KCNAB1: variants seen among roughly 807,000 people sequenced by gnomAD.
KCNAB1 encodes potassium voltage-gated channel subfamily A regulatory beta subunit 1.
KCNAB1 carries 35 observed loss-of-function variants against 64.6 expected under a neutral mutation model. The ratio of observed to expected loss-of-function variants is 0.54; its 90% confidence interval spans 0.41 to 0.72. The LOEUF is 0.72. Among genes scored for constraint, KCNAB1 ranks in the 30% least tolerant of loss-of-function variants. The pLI, the probability that KCNAB1 is intolerant of heterozygous loss-of-function variation, is 0.00. For missense variants in KCNAB1, 401 were observed against 512.9 expected, an observed-to-expected ratio of 0.78 and a Z score of 2.11; for synonymous variants, 177 against 183.8, an observed-to-expected ratio of 0.96 and a Z score of 0.30.
At chr3:156,224,067 G>C (rs764595425) in intron 1 of KCNAB1, among the ~76,000 whole-genome samples, 1 of 152,208 alleles carries the variant, frequency 6.6e-6, no homozygotes, top group South Asian at 2.1e-4. Context: ...GCCCTGCCCC[G>C]TGGGGAGGCA....
At chr3:156,483,027 G>A (rs1320660228) in intron 8 of KCNAB1, among the ~76,000 whole-genome samples, 1 of 151,954 alleles carries the variant, frequency 6.6e-6, no homozygotes, top group Non-Finnish European at 1.5e-5. Context: ...GAAGAGATAG[G>A]GACAGTTAAA....
chr3:156,378,777 G>C (rs1223582193), intron 1 of KCNAB1, among the ~76,000 whole-genome samples: 1 of 152,126 alleles, frequency 6.6e-6, no homozygotes, highest in Admixed American at 6.5e-5. Context: ...TATTGGTTGG[G>C]TTCTCTCTTA....
In KCNAB1 at chr3:156,163,112, T is replaced by C. The variant is rs561628270; in HGVS notation, c.275+42226T>C. Among the ~76,000 whole-genome samples the C allele has an allele frequency of 6.1e-4, 93 of 152,356 alleles. 3 individuals are homozygous for C. In the South Asian group the frequency reaches 0.019, roughly 31 times the overall value. On this transcript the variant is annotated intron_variant, in intron 1 of 13. Coordinates refer to ENST00000490337, the MANE Select transcript of KCNAB1 (RefSeq NM_172160.3). ...CTATATGGTAGCCACTAGTCACATG[T>C]AGCTAATTTAAATTAACATAACAGT...
chr3:156,258,416 G>T (rs759964497), intron 1 of KCNAB1, among the ~76,000 whole-genome samples: 50 of 152,116 alleles, frequency 3.3e-4, no homozygotes, highest in Non-Finnish European at 6.0e-4. Flanking sequence ...CTGTCATCTA[G>T]TCCTATGGGC....
At chr3:156,236,569 T>G (rs1038057992) in intron 1 of KCNAB1, among the ~76,000 whole-genome samples, 2 of 152,054 alleles carry the variant, frequency 1.3e-5, no homozygotes, top group African/African-American at 4.8e-5. Flanking sequence ...AGCTGAACGG[T>G]TGATGAAAAC....
rs1400182308 is a variant in KCNAB1 at position 156,285,487 on chromosome 3, C to T, written c.276-136129C>T. ...CATGAAGAGGCCTGAACAAAATAAT[C>T]TGAATTGTGAATTTCTTTTTTTGGT... On this transcript the variant is annotated intron_variant, in intron 1 of 13. Transcript: ENST00000490337. Among the ~76,000 whole-genome samples the T allele has an allele frequency of 4.1e-5, 6 of 145,096 alleles. No individual in the cohort carries two copies. The East Asian group carries it at 1.2e-3, about 30-fold the overall frequency.
intron 1 of KCNAB1, among the ~76,000 whole-genome samples, chr3:156,260,245 G>A (rs1718353626): frequency 6.6e-6 from 1 of 152,052 alleles, no homozygotes; most frequent in African/African-American, 2.4e-5. Context: ...ACCATGTTCT[G>A]TTGTGTTTTT....
chr3:156,148,990 G>A (rs1715226155), intron 1 of KCNAB1, among the ~76,000 whole-genome samples: 1 of 152,038 alleles, frequency 6.6e-6, no homozygotes, highest in African/African-American at 2.4e-5. Context: ...TTCAAACGAT[G>A]TAATACGAAG....
intron 8 of KCNAB1, among the ~76,000 whole-genome samples, chr3:156,495,705 A>G (rs1715965634): frequency 6.6e-6 from 1 of 152,180 alleles, no homozygotes; most frequent in Admixed American, 6.5e-5. Context: ...CGAAATAAGA[A>G]TAACAGTAAT....
At chr3:156,500,937 T>C (rs1716357722) in intron 8 of KCNAB1, among the ~76,000 whole-genome samples, 1 of 152,194 alleles carries the variant, frequency 6.6e-6, no homozygotes, top group Non-Finnish European at 1.5e-5. Context: ...ACTGACTACA[T>C]ATCAATATAC....
chr3:156,242,140 C>T (rs959544221), intron 1 of KCNAB1, among the ~76,000 whole-genome samples: 4 of 152,194 alleles, frequency 2.6e-5, no homozygotes, highest in African/African-American at 7.2e-5. Context: ...GTCCATTGTG[C>T]AGTGTGCTCT....
intron 1 of KCNAB1, among the ~76,000 whole-genome samples, chr3:156,373,862 A>G (rs1166175291): frequency 6.6e-6 from 1 of 152,222 alleles, no homozygotes; most frequent in Non-Finnish European, 1.5e-5. Flanking sequence ...ATTGGTCAGA[A>G]CAGGGGATCA....
intron 1 of KCNAB1, among the ~76,000 whole-genome samples, chr3:156,183,488 A>T (rs138526924): frequency 1.8e-3 from 276 of 152,246 alleles, no homozygotes; most frequent in East Asian, 5.4e-3. Context: ...ACTGTATAAA[A>T]CTGGCAGTGC....
chr3:156,234,224 A>C (rs1716722030), intron 1 of KCNAB1, among the ~76,000 whole-genome samples: 1 of 152,108 alleles, frequency 6.6e-6, no homozygotes, highest in African/African-American at 2.4e-5. Context: ...CAGGAGAGGG[A>C]GTGTCCTGGA....
At chr3:156,137,218 A>T (rs1230590646) in intron 1 of KCNAB1, among the ~76,000 whole-genome samples, 1 of 71,372 alleles carries the variant, frequency 1.4e-5, no homozygotes, top group South Asian at 3.3e-4. Context: ...TGTATCATAC[A>T]TTGGTGGGGG....
At chr3:156,473,161 G>A (rs80017579) in intron 7 of KCNAB1, among the ~76,000 whole-genome samples, 1,624 of 152,174 alleles carry the variant, frequency 0.011, 15 homozygotes, top group South Asian at 0.03. Context: ...TTCCAGATGC[G>A]AACACCATGG....
chr3:156,463,726 C>T lies in KCNAB1; in HGVS notation c.507C>T (p.Thr169=), dbSNP rs377242869. The change falls in exon 6 of 14, where the codon ACC becomes ACT. Residue 169 remains threonine (T), a synonymous_variant. Transcript: ENST00000490337. ...GGAGGTCCAGTCTGGTCATAACAAC[C>T]AAACTCTACTGGGGTGGAAAGTAAG... The part of the protein sequence containing the change: ...GWRRSSLVIT[T]KLYWGGKAET... The T allele has an allele frequency of 1.3e-3, 2,061 of 1,605,074 alleles. 50 individuals carry two copies. In the South Asian group the frequency reaches 0.022, roughly 17 times the overall value.
At chr3:156,187,259 T>C (rs571547228) in intron 1 of KCNAB1, among the ~76,000 whole-genome samples, 83 of 152,202 alleles carry the variant, frequency 5.5e-4, no homozygotes, top group Non-Finnish European at 9.8e-4. Flanking sequence ...CTTTTCCCTT[T>C]ATACACTCCC....
rs549808467 is a variant in KCNAB1 at position 156,495,760 on chromosome 3, T to G, written c.659-18604T>G. 1.3e-3 allele frequency among the ~76,000 whole-genome samples: 204 copies of G among 152,290 alleles called. 2 individuals are homozygous for G. The highest frequency in any genetic ancestry group is 4.7e-3 in the African/African-American group (194 of 41,572). The stretch of plus-strand genomic sequence containing the variant: ...GCTGTGAGGAATAAAGTAGTTAACA[T>G]GTAAAGTGTTTAGAACATTGCTAGG... On this transcript the variant is annotated intron_variant, in intron 8 of 13. Coordinates refer to ENST00000490337, the MANE Select transcript of KCNAB1 (RefSeq NM_172160.3).
Sources: gnomAD v4.1 joint callset for allele counts (sites outside exome capture counted in the v4.1 genomes callset) on GRCh38, gnomAD v4.1.1 for gene constraint, MANE v1.5 for transcripts, NCBI Gene and HGNC (gene_info 2026-07-23, HGNC 2026-07-21) for gene names.